The following MECOM variants were observed in gnomAD, a reference collection of about 807,000 sequenced individuals.
MECOM encodes MDS1 and EVI1 complex locus, also known as histone-lysine N-methyltransferase MECOM.
MECOM carries 13 observed loss-of-function variants against 116.3 expected under a neutral mutation model. That is an observed-to-expected ratio of 0.11 (90% CI 0.07 to 0.18). The LOEUF (loss-of-function observed/expected upper bound fraction) is 0.18. Ranked by LOEUF, MECOM falls within the 10% of genes least tolerant of loss-of-function variation. The pLI, the probability that MECOM is intolerant of heterozygous loss-of-function variation, is 1.00. For synonymous variants in MECOM, 528 were observed against 535.2 expected (o/e 0.99, Z 0.19); for missense variants, 1,299 against 1,509.0 (o/e 0.86, Z 2.31).
At chr3:169,477,427 CA>C (rs1750655245) in intron 1 of MECOM, among the ~76,000 whole-genome samples, 1 of 151,882 alleles carries the variant, frequency 6.6e-6, no homozygotes, top group Non-Finnish European at 1.5e-5. Context: ...CAAATCCTTG[CA>C]AGGTATAAAA....
intron 1 of MECOM, among the ~76,000 whole-genome samples, chr3:169,565,413 C>A (rs967951055): frequency 2.0e-5 from 3 of 152,170 alleles, no homozygotes; most frequent in Non-Finnish European, 4.4e-5. Context: ...TCCACTGCCC[C>A]CTCCTCACTC....
Position 169,116,018 on chromosome 3 carries a change from C to A in MECOM, c.1854G>T (p.Met618Ile). ...DKEKFKENGK[M>I]FKDKVSPLQN... ...GAAGAGGGCTTACTTTGTCTTTGAA[C>A]ATTTTACCATTTTCTTTAAATTTCT... Residue 618 changes from methionine to isoleucine, a missense_variant, in exon 8 of 17, where the codon ATG becomes ATT. Physicochemically the swap from Met to Ile is conservative, Grantham distance 10 (BLOSUM62 1). Transcript: ENST00000651503. 1 of 1,614,052 alleles carries A rather than the reference C, an allele frequency of 6.2e-7. No homozygotes were observed. Among genetic ancestry groups the A allele is most frequent in the Non-Finnish European group, 8.5e-7 (1 of 1,179,994 alleles).
intron 12 of MECOM, among the ~76,000 whole-genome samples, chr3:169,097,993 A>G (rs1034139184): frequency 2.0e-5 from 3 of 152,120 alleles, no homozygotes; most frequent in Non-Finnish European, 1.5e-5. Context: ...CACAGGAAGC[A>G]GACAATTCAT....
chr3:169,623,350 C>T (rs546798259), intron 1 of MECOM, among the ~76,000 whole-genome samples: 2 of 152,246 alleles, frequency 1.3e-5, no homozygotes, highest in African/African-American at 4.8e-5. Context: ...TAACACTTCA[C>T]AATAATATGA....
intron 2 of MECOM, among the ~76,000 whole-genome samples, chr3:169,334,414 C>T (rs1378807138): frequency 2.0e-5 from 3 of 152,096 alleles, no homozygotes; most frequent in Non-Finnish European, 4.4e-5. Context: ...GTTAGAATCA[C>T]CAGGAAAGCT....
At chr3:169,448,286 C>A (rs1744989374) in intron 1 of MECOM, among the ~76,000 whole-genome samples, 1 of 152,110 alleles carries the variant, frequency 6.6e-6, no homozygotes, top group Admixed American at 6.6e-5. Context: ...GCTTAGGTGC[C>A]TGACCAGGAT....
chr3:169,414,601 A>G (rs1223678943), intron 1 of MECOM, among the ~76,000 whole-genome samples: 1 of 152,224 alleles, frequency 6.6e-6, no homozygotes, highest in East Asian at 1.9e-4. Context: ...CTAAAGGAAC[A>G]TGTTCTAACT....
chr3:169,433,625 GAAAGAA>G (rs1420041378), intron 1 of MECOM, among the ~76,000 whole-genome samples: 1 of 127,276 alleles, frequency 7.9e-6, no homozygotes, highest in Non-Finnish European at 1.7e-5. Context: ...AAGGAGAAAA[GAAAGAA>G]AGAGAAAGAG....
intron 1 of MECOM, among the ~76,000 whole-genome samples, chr3:169,512,592 C>T (rs1406499350): frequency 6.6e-6 from 1 of 152,238 alleles, no homozygotes; most frequent in East Asian, 1.9e-4. Context: ...TGACCAACTA[C>T]ATCTTGTTAA....
chr3:169,346,567 T>C (rs1253722030), intron 2 of MECOM, among the ~76,000 whole-genome samples: 1 of 151,954 alleles, frequency 6.6e-6, no homozygotes, highest in Non-Finnish European at 1.5e-5. Context: ...ACTAGATATG[T>C]GACCATGGGT....
At chr3:169,337,256 T>C (rs1256025059) in intron 2 of MECOM, among the ~76,000 whole-genome samples, 2 of 152,164 alleles carry the variant, frequency 1.3e-5, no homozygotes, top group African/African-American at 4.8e-5. Context: ...TAAATTTTTT[T>C]AGGCAAGAAG....
chr3:169,596,120 A>G lies in MECOM; in HGVS notation c.37+67216T>C, dbSNP rs16854143. 0.016 allele frequency among the ~76,000 whole-genome samples: 2,498 copies of G among 152,288 alleles called. 233 individuals are homozygous for G. The East Asian group carries it at 0.29, about 18-fold the overall frequency. ...GGAAAATATTATTGACAACTTCTCC[A>G]TTTTCTCAAAAGGTGTAGTTTATTT... On this transcript the variant is annotated intron_variant, in intron 1 of 16. Transcript: ENST00000651503.
intron 4 of MECOM, among the ~76,000 whole-genome samples, chr3:169,131,194 T>C (rs1734573924): frequency 1.3e-5 from 2 of 152,166 alleles, no homozygotes; most frequent in Admixed American, 1.3e-4. Context: ...TCTGCGCAAA[T>C]GCTCAAAATT....
rs560698938 is a variant in MECOM, at chr3:169,639,271, C to T, written c.37+24065G>A. Among the ~76,000 whole-genome samples the T allele has an allele frequency of 1.6e-4, 24 of 152,284 alleles. No individual in the cohort carries two copies. The East Asian group carries it at 3.9e-3, about 24-fold the overall frequency. On this transcript the variant is annotated intron_variant, in intron 1 of 16. Coordinates refer to ENST00000651503, the MANE Select transcript of MECOM (RefSeq NM_004991.4). Reference sequence around the variant, plus strand: ...GGTTCAGAGATGGGCATGTATCCCACGTCTGAGCCAATCAGTGCATAGTGT... The same window carrying T: ...GGTTCAGAGATGGGCATGTATCCCATGTCTGAGCCAATCAGTGCATAGTGT...
At chr3:169,448,521 C>A (rs141604446) in intron 1 of MECOM, among the ~76,000 whole-genome samples, 9 of 152,240 alleles carry the variant, frequency 5.9e-5, no homozygotes, top group African/African-American at 2.2e-4. Flanking sequence ...ACTTCAAAGG[C>A]ACCTGTAAAT....
intron 2 of MECOM, among the ~76,000 whole-genome samples, chr3:169,369,913 C>T (rs1028914413): frequency 5.3e-5 from 8 of 151,952 alleles, no homozygotes; most frequent in African/African-American, 1.7e-4. Context: ...TTCTTAACTA[C>T]ACATCAAAGA....
intron 1 of MECOM, among the ~76,000 whole-genome samples, chr3:169,402,615 C>T (rs910973832): frequency 6.6e-6 from 1 of 151,982 alleles, no homozygotes; most frequent in Non-Finnish European, 1.5e-5. Flanking sequence ...AAGATTGCAC[C>T]ATTGCACTCC....
chr3:169,378,156 A>C (rs1157403260), intron 2 of MECOM, among the ~76,000 whole-genome samples: 1 of 151,452 alleles, frequency 6.6e-6, no homozygotes, highest in Non-Finnish European at 1.5e-5. Context: ...GGAGCATCAC[A>C]CACCAGAGCC....
chr3:169,131,236 C>T (rs1734586090), intron 4 of MECOM, among the ~76,000 whole-genome samples, 193 bp downstream of exon 4: 1 of 152,214 alleles, frequency 6.6e-6, no homozygotes, highest in Admixed American at 6.5e-5. Context: ...AAGACCTCTG[C>T]TTACTTCAGC....
Sources: allele counts gnomAD v4.1 joint callset (sites outside exome capture counted in the v4.1 genomes callset), GRCh38; gene constraint gnomAD v4.1.1; transcripts MANE v1.5; gene names NCBI Gene and HGNC (gene_info 2026-07-23, HGNC 2026-07-21).